ACAD11: variants seen among roughly 807,000 people sequenced by gnomAD.
ACAD11 encodes acyl-CoA dehydrogenase family member 11.
In ACAD11, 83 loss-of-function variants were observed where a neutral mutation model predicts 102.2. That is an observed-to-expected ratio of 0.81 (90% CI 0.68 to 0.97). The LOEUF (loss-of-function observed/expected upper bound fraction) is 0.97. Among genes scored for constraint, ACAD11 ranks in the 50% least tolerant of loss-of-function variants. The pLI is 0.00. For missense variants in ACAD11, 901 were observed against 951.7 expected (o/e 0.95, Z 0.70); for synonymous variants, 324 against 319.8 (o/e 1.01, Z -0.14).
At chr3:132,580,272 T>G (rs973261901) in intron 13 of ACAD11, among the ~76,000 whole-genome samples, 1 of 151,976 alleles carries the variant, frequency 6.6e-6, no homozygotes, top group Admixed American at 6.6e-5. Flanking sequence ...TAATGAGAAA[T>G]GTTAGGAATG....
chr3:132,576,844 G>A, intron 16 of ACAD11, 100 bp downstream of exon 16: 1 of 839,092 alleles, frequency 1.2e-6, no homozygotes, highest in Non-Finnish European at 1.9e-6. Flanking sequence ...CTAAATCAAG[G>A]TAGACTTCAG....
In ACAD11 at chr3:132,575,871, G is replaced by A; in HGVS notation, c.1902C>T (p.His634=). Residue 634 remains histidine (H), a synonymous_variant, in exon 17 of 20, where the codon CAC becomes CAT. Coordinates refer to ENST00000264990, the MANE Select transcript of ACAD11 (RefSeq NM_032169.5). ...SQGRLGPGRI[H]HCMRTVGLAE... is the part of the protein sequence containing the mutation. ...CCAAACCTACTGTTCTCATACAGTG[G>A]TGGATTCTGCCAGGTCCAAGGCGGC... is the stretch of plus-strand genomic sequence containing the variant. 1 of 1,614,074 alleles carries A rather than the reference G, an allele frequency of 6.2e-7. No homozygotes were observed. The highest frequency in any genetic ancestry group is 8.5e-7 in the Non-Finnish European group (1 of 1,179,992).
Position 132,618,774 on chromosome 3 carries a change from T to G in ACAD11, c.1276-2A>C. 6.3e-7 allele frequency: 1 copy of G among 1,584,184 alleles called. No individual in the cohort carries two copies. The highest frequency in any genetic ancestry group is 8.6e-7 in the Non-Finnish European group (1 of 1,168,974). On this transcript the variant is annotated splice_acceptor_variant, in intron 10 of 19. Transcript: ENST00000264990. LOFTEE classifies it high-confidence loss of function. ...GAGACCCTCGACTTTGGCCATTTCC[T>G]GTCAAGGTGATGAACATGCCAGAGT...
Position 132,626,152 on chromosome 3 carries a change from C to T in ACAD11, c.1197+539G>A, listed in dbSNP as rs577842932. Among the ~76,000 whole-genome samples the T allele has an allele frequency of 2.0e-4, 30 of 152,216 alleles. No homozygotes were observed. The South Asian group carries it at 4.1e-3, about 21-fold the overall frequency. On this transcript the variant is annotated intron_variant, in intron 9 of 19. Transcript: ENST00000264990. Reference sequence around the variant, plus strand: ...TATCTATTTACATTCTGTAGCTTTCCAGGTGCCTAAGCATCATCAAGTACC... The same window carrying T: ...TATCTATTTACATTCTGTAGCTTTCTAGGTGCCTAAGCATCATCAAGTACC...
intron 13 of ACAD11, among the ~76,000 whole-genome samples, chr3:132,586,391 A>T (rs1937827495): frequency 6.6e-6 from 1 of 152,178 alleles, no homozygotes. Context: ...ACCTAATGTT[A>T]AATGACGAGT....
chr3:132,588,232 G>T (rs1576565542), intron 13 of ACAD11, among the ~76,000 whole-genome samples: 2 of 138,576 alleles, frequency 1.4e-5, no homozygotes, highest in African/African-American at 6.8e-5. Context: ...TATGCATGTA[G>T]GTATTTTGTA....
chr3:132,656,807 TAA>T (rs1352206455), intron 1 of ACAD11, among the ~76,000 whole-genome samples: 1 of 152,042 alleles, frequency 6.6e-6, no homozygotes, highest in Non-Finnish European at 1.5e-5. Context: ...TCAGATTTTT[TAA>T]AAGTCAATTT....
At chr3:132,641,560 T>TGATGAAGAAGAAGAAGAA (rs751180735) in intron 4 of ACAD11, among the ~76,000 whole-genome samples, 1 of 99,518 alleles carries the variant, frequency 1.0e-5, no homozygotes, top group African/African-American at 5.0e-5. Context: ...ATGATGATGA[T>TGATGAAGAAGAAGAAGAA]GAAGAAGAAG....
intron 13 of ACAD11, among the ~76,000 whole-genome samples, chr3:132,599,164 G>A (rs1366382058): frequency 6.6e-6 from 1 of 151,750 alleles, no homozygotes; most frequent in Non-Finnish European, 1.5e-5. Flanking sequence ...AATACAAAAA[G>A]TTATACAGAC....
At chr3:132,591,544 A>G (rs1938074342) in intron 13 of ACAD11, among the ~76,000 whole-genome samples, 2 of 152,232 alleles carry the variant, frequency 1.3e-5, no homozygotes, top group Middle Eastern at 3.4e-3. Context: ...AGAATATATA[A>G]TTTTGTATCT....
chr3:132,576,845 T>A, intron 16 of ACAD11, 99 bp downstream of exon 16: 1 of 845,214 alleles, frequency 1.2e-6, no homozygotes. Flanking sequence ...TAAATCAAGG[T>A]AGACTTCAGG....
intron 1 of ACAD11, among the ~76,000 whole-genome samples, chr3:132,653,140 C>T (rs189622735): frequency 6.6e-6 from 1 of 152,140 alleles, no homozygotes; most frequent in African/African-American, 2.4e-5. Context: ...AAATTCATGA[C>T]CTCAGCAAAC....
chr3:132,641,961 G>A lies in ACAD11; in HGVS notation c.537+11C>T. 6.3e-7 allele frequency: 1 copy of A among 1,585,036 alleles called. No individual in the cohort carries two copies. The highest frequency in any genetic ancestry group is 8.6e-7 in the Non-Finnish European group (1 of 1,162,602). ...ACTTGAAAAAAATAGCTATTAATGT[G>A]GATGCATTACCTGTCTTTTGCAGTA... is the stretch of plus-strand genomic sequence containing the variant. On this transcript the variant is annotated intron_variant, in intron 4 of 19. Transcript: ENST00000264990.
At chr3:132,568,956 G>C (rs1937299732) in intron 17 of ACAD11, among the ~76,000 whole-genome samples, 1 of 151,960 alleles carries the variant, frequency 6.6e-6, no homozygotes, top group Non-Finnish European at 1.5e-5. Context: ...AGAGTTATTA[G>C]ACTTGACACC....
chr3:132,579,338 G>A, intron 14 of ACAD11, 154 bp downstream of exon 14: 1 of 686,432 alleles, frequency 1.5e-6, no homozygotes, highest in Non-Finnish European at 2.4e-6. Flanking sequence ...ACACCTGTTA[G>A]AAAATACTTG....
At chr3:132,646,133 C>A (rs776428227) in intron 1 of ACAD11, among the ~76,000 whole-genome samples, 1 of 152,170 alleles carries the variant, frequency 6.6e-6, no homozygotes, top group Non-Finnish European at 1.5e-5. Context: ...CCCGCCACCG[C>A]ACCCGGCTAA....
intron 11 of ACAD11, among the ~76,000 whole-genome samples, chr3:132,609,038 A>T (rs1298936167): frequency 6.6e-6 from 1 of 152,228 alleles, no homozygotes; most frequent in Admixed American, 6.5e-5. Context: ...CTCCTGAATG[A>T]CTACTGGGTA....
intron 1 of ACAD11, chr3:132,647,009 T>C (rs569021026): frequency 1.3e-5 from 2 of 152,356 alleles, no homozygotes; most frequent in East Asian, 3.9e-4. Flanking sequence ...ATAGTGGTGA[T>C]GGTTGTATAA....
intron 13 of ACAD11, among the ~76,000 whole-genome samples, chr3:132,588,784 C>T (rs1937957285): frequency 1.3e-5 from 2 of 152,196 alleles, no homozygotes; most frequent in Non-Finnish European, 2.9e-5. Flanking sequence ...ATATTCTTCA[C>T]AGTAACTCTA....
Sources: allele counts gnomAD v4.1 joint callset (sites outside exome capture counted in the v4.1 genomes callset), GRCh38; gene constraint gnomAD v4.1.1; transcripts MANE v1.5; gene names NCBI Gene and HGNC (gene_info 2026-07-23, HGNC 2026-07-21).